The following SYNDIG1 variants were observed in gnomAD, a reference collection of about 807,000 sequenced individuals.
The protein encoded by SYNDIG1 is synapse differentiation-inducing gene protein 1.
SYNDIG1 carries 9 observed loss-of-function variants against 19.4 expected under a neutral mutation model. The ratio of observed to expected loss-of-function variants is 0.46; its 90% confidence interval spans 0.28 to 0.81. The LOEUF is 0.81. Ranked by LOEUF, SYNDIG1 falls within the 30% of genes least tolerant of loss-of-function variation. SYNDIG1 has a pLI of 0.12. For missense variants in SYNDIG1, 311 were observed against 343.3 expected (o/e 0.91, Z 0.74); for synonymous variants, 141 against 145.9 (o/e 0.97, Z 0.24).
chr20:24,598,037 T>C (rs1189852375), intron 3 of SYNDIG1, among the ~76,000 whole-genome samples: 1 of 152,196 alleles, frequency 6.6e-6, no homozygotes, highest in African/African-American at 2.4e-5. Context: ...GAACCCAGGT[T>C]AAAGAGGGTA....
At chr20:24,614,824 T>A (rs1016063283) in intron 3 of SYNDIG1, among the ~76,000 whole-genome samples, 2 of 152,222 alleles carry the variant, frequency 1.3e-5, no homozygotes, top group Admixed American at 6.5e-5. Flanking sequence ...ACTTAAAATG[T>A]TTATATGCAT....
intron 3 of SYNDIG1, among the ~76,000 whole-genome samples, chr20:24,656,558 G>A (rs946249180): frequency 6.6e-6 from 1 of 152,202 alleles, no homozygotes; most frequent in Non-Finnish European, 1.5e-5. Flanking sequence ...GTGAAGCACC[G>A]TGGGCAGCCC....
At chr20:24,533,380 C>T (rs187289904) in intron 1 of SYNDIG1, among the ~76,000 whole-genome samples, 27 of 152,188 alleles carry the variant, frequency 1.8e-4, no homozygotes, top group Middle Eastern at 3.4e-3. Flanking sequence ...AAACTGCAGT[C>T]GTCTAATAAT....
chr20:24,608,471 G>A (rs918618924), intron 3 of SYNDIG1, among the ~76,000 whole-genome samples: 5 of 152,070 alleles, frequency 3.3e-5, no homozygotes, highest in African/African-American at 7.2e-5. Context: ...GAGTCACCGC[G>A]CCCCACCAAT....
chr20:24,501,598 G>A (rs947056319), intron 1 of SYNDIG1, among the ~76,000 whole-genome samples: 1 of 152,192 alleles, frequency 6.6e-6, no homozygotes, highest in African/African-American at 2.4e-5. Flanking sequence ...CTTATTAGCT[G>A]TGTGACCATC....
intron 3 of SYNDIG1, among the ~76,000 whole-genome samples, chr20:24,657,322 G>A (rs1329936891): frequency 6.6e-6 from 1 of 152,182 alleles, no homozygotes; most frequent in Non-Finnish European, 1.5e-5. Flanking sequence ...TGTAAATTGA[G>A]ATCCACAGAA....
chr20:24,643,389 C>G (rs1202695181), intron 3 of SYNDIG1, among the ~76,000 whole-genome samples: 1 of 151,914 alleles, frequency 6.6e-6, no homozygotes, highest in African/African-American at 2.4e-5. Flanking sequence ...TGAGCAGTAA[C>G]TTTATCAGCT....
chr20:24,636,290 G>T (rs1030756499), intron 3 of SYNDIG1, among the ~76,000 whole-genome samples: 1 of 152,092 alleles, frequency 6.6e-6, no homozygotes, highest in Non-Finnish European at 1.5e-5. Flanking sequence ...TCATTGTCTC[G>T]TGCCAAGGGA....
At chr20:24,471,067 T>TC (rs2055432829) in intron 1 of SYNDIG1, among the ~76,000 whole-genome samples, 2 of 152,158 alleles carry the variant, frequency 1.3e-5, no homozygotes, top group South Asian at 4.2e-4. Flanking sequence ...TCCGTCTCCC[T>TC]CCTACAGCCC....
chr20:24,532,286 C>T lies in SYNDIG1; in HGVS notation c.-78-10734C>T, dbSNP rs530260260. On this transcript the variant is annotated intron_variant, in intron 1 of 3. Transcript: ENST00000376862. ...GAAGGTAAACACAGTGCAGTGCTTC[C>T]GTACCATGGAATATGAGCCCGCCAT... Among the ~76,000 whole-genome samples the T allele has an allele frequency of 6.2e-4, 94 of 152,260 alleles. 1 individual carries two copies. Among genetic ancestry groups the T allele is most frequent in the Middle Eastern group, 3.4e-3 (1 of 294 alleles).
chr20:24,554,770 T>C (rs1368451456), intron 2 of SYNDIG1, among the ~76,000 whole-genome samples: 1 of 151,406 alleles, frequency 6.6e-6, no homozygotes, highest in Non-Finnish European at 1.5e-5. Flanking sequence ...ATTCTCTTTT[T>C]TGGTTGTGTC....
intron 1 of SYNDIG1, among the ~76,000 whole-genome samples, chr20:24,513,753 G>C (rs1055947162): frequency 1.3e-5 from 2 of 152,062 alleles, no homozygotes; most frequent in South Asian, 4.1e-4. Flanking sequence ...GGCCAACATT[G>C]AAATTCAGGA....
intron 2 of SYNDIG1, among the ~76,000 whole-genome samples, chr20:24,584,188 A>T (rs2058374560): frequency 6.6e-6 from 1 of 152,184 alleles, no homozygotes; most frequent in Non-Finnish European, 1.5e-5. Flanking sequence ...GCTGAGGCTC[A>T]CAGGGCCATC....
chr20:24,556,682 GT>G (rs1176058146), intron 2 of SYNDIG1, among the ~76,000 whole-genome samples: 1 of 152,230 alleles, frequency 6.6e-6, no homozygotes, highest in African/African-American at 2.4e-5. Flanking sequence ...TCCACTGTTA[GT>G]CTGATGGGCT....
chr20:24,579,707 C>T (rs562396452), intron 2 of SYNDIG1, among the ~76,000 whole-genome samples: 1 of 152,266 alleles, frequency 6.6e-6, no homozygotes, highest in African/African-American at 2.4e-5. Flanking sequence ...CAGTGGCTGC[C>T]AGGCTCCTCA....
intron 2 of SYNDIG1, among the ~76,000 whole-genome samples, chr20:24,580,958 C>T (rs993841404): frequency 6.6e-6 from 1 of 152,148 alleles, no homozygotes; most frequent in Non-Finnish European, 1.5e-5. Context: ...CAAGCGTTGA[C>T]TAAGATCGGG....
At chr20:24,575,704 C>A (rs1276675723) in intron 2 of SYNDIG1, among the ~76,000 whole-genome samples, 63 of 152,276 alleles carry the variant, frequency 4.1e-4, no homozygotes, top group African/African-American at 1.4e-3. Flanking sequence ...CCTCCCTCCT[C>A]AAAGAATATA....
At chr20:24,513,027 G>C (rs201383420) in intron 1 of SYNDIG1, among the ~76,000 whole-genome samples, 3 of 152,154 alleles carry the variant, frequency 2.0e-5, no homozygotes, top group African/African-American at 4.8e-5. Flanking sequence ...GTCTGGAGTG[G>C]ACCTCCAGCA....
In SYNDIG1 at chr20:24,489,215, C is replaced by T. The variant is rs368843814; in HGVS notation, c.-79+19462C>T. Among the ~76,000 whole-genome samples, 37 of 152,250 alleles carry T rather than the reference C, an allele frequency of 2.4e-4. No individual in the cohort carries two copies. In the South Asian group the frequency reaches 7.0e-3, roughly 29 times the overall value. On this transcript the variant is annotated intron_variant, in intron 1 of 3. Transcript: ENST00000376862. Reference sequence around the variant, plus strand: ...ACACTCACATGGACACAGATAGATGCATGCACACCGACATGTAGATACATG... The same window carrying T: ...ACACTCACATGGACACAGATAGATGTATGCACACCGACATGTAGATACATG...
Sources: gnomAD v4.1 joint callset for allele counts (sites outside exome capture counted in the v4.1 genomes callset) on GRCh38, gnomAD v4.1.1 for gene constraint, MANE v1.5 for transcripts, NCBI Gene and HGNC (gene_info 2026-07-23, HGNC 2026-07-21) for gene names.